The following LCORL variants were observed in gnomAD, a reference collection of about 807,000 sequenced individuals.
LCORL encodes ligand dependent nuclear receptor corepressor like.
LCORL carries 41 observed loss-of-function variants against 141.8 expected under a neutral mutation model. That is an observed-to-expected ratio of 0.29 (90% CI 0.23 to 0.38). The LOEUF (loss-of-function observed/expected upper bound fraction) is 0.38. Among genes scored for constraint, LCORL ranks in the 10% least tolerant of loss-of-function variants. The pLI is 1.00. For missense variants in LCORL, 1,759 were observed against 2,035.0 expected, an observed-to-expected ratio of 0.86 and a Z score of 2.61; for synonymous variants, 618 against 694.1, an observed-to-expected ratio of 0.89 and a Z score of 1.72.
chr4:17,876,758 A>T, exon 7 of LCORL: 1 of 1,230,752 alleles, frequency 8.1e-7, no homozygotes. Flanking sequence ...CATTTTGCAA[A>T]AATTGTTTTC....
intron 4 of LCORL, chr4:17,912,037 G>C: frequency 1.5e-6 from 1 of 665,288 alleles, no homozygotes; most frequent in South Asian, 1.4e-5. Flanking sequence ...CAAAATCTGG[G>C]GGCACCTGGA....
At chr4:17,899,784 A>C (rs1292381415) in intron 5 of LCORL, among the ~76,000 whole-genome samples, 1 of 152,212 alleles carries the variant, frequency 6.6e-6, no homozygotes, top group Non-Finnish European at 1.5e-5. Context: ...AGGGTTGGTG[A>C]TCAACTTTAT....
intron 1 of LCORL, among the ~76,000 whole-genome samples, chr4:18,005,281 C>T (rs1722616514): frequency 6.6e-6 from 1 of 152,178 alleles, no homozygotes; most frequent in Non-Finnish European, 1.5e-5. Flanking sequence ...ATCCAGGTCA[C>T]ACTGGATGGG....
At chr4:17,988,724 C>T (rs1048899989) in intron 1 of LCORL, among the ~76,000 whole-genome samples, 7 of 152,288 alleles carry the variant, frequency 4.6e-5, no homozygotes, top group African/African-American at 1.2e-4. Context: ...TGGCAGCTCA[C>T]GCCTGTAATC....
chr4:17,856,563 C>G (rs1383494257), intron 7 of LCORL, among the ~76,000 whole-genome samples: 1 of 152,090 alleles, frequency 6.6e-6, no homozygotes, highest in Non-Finnish European at 1.5e-5. Context: ...TGTGGTAGCC[C>G]AAGGAGACTA....
chr4:17,911,737 C>A (rs756299847), intron 4 of LCORL: 26 of 473,876 alleles, frequency 5.5e-5, no homozygotes, highest in Non-Finnish European at 1.0e-4. Flanking sequence ...CGTCCAAGCG[C>A]CCAGCTATGG....
intron 7 of LCORL, among the ~76,000 whole-genome samples, chr4:17,863,488 A>G (rs1356806386): frequency 6.6e-6 from 1 of 152,218 alleles, no homozygotes; most frequent in Admixed American, 6.5e-5. Context: ...AAAAGCCAAA[A>G]AAATAACAGA....
chr4:17,928,039 C>T (rs1735434958), intron 4 of LCORL, among the ~76,000 whole-genome samples: 1 of 152,142 alleles, frequency 6.6e-6, no homozygotes, highest in South Asian at 2.1e-4. Flanking sequence ...TCTAGTAACA[C>T]ATTAAAAAGA....
chr4:17,847,867 A>G (rs1468321448), intron 7 of LCORL, among the ~76,000 whole-genome samples: 1 of 152,212 alleles, frequency 6.6e-6, no homozygotes, highest in Non-Finnish European at 1.5e-5. Context: ...GCAAGCTATA[A>G]AAACACAATT....
rs1374074246 is a variant in LCORL at position 18,021,704 on chromosome 4, G to T, written c.48C>A (p.Ala16=). 7 of 1,525,134 alleles carry T rather than the reference G, an allele frequency of 4.6e-6. No homozygotes were observed. Among genetic ancestry groups the T allele is most frequent in the Admixed American group, 2.2e-5 (1 of 46,272 alleles). 94.5% of individuals were successfully genotyped at this position (1,525,134 alleles called of 1,614,324 possible). ...GGCACTGAGCGGCGGCGGCGGCGGC[G>T]GCAGCAGCGGCGGCGGCAGCGGCCA... Residue 16 remains alanine (A), a synonymous_variant, in exon 1 of 8, where the codon GCC becomes GCA. Coordinates refer to ENST00000635767, the Ensembl canonical transcript of LCORL. The surrounding 1 kb of genome is among the most constrained non-coding windows in gnomAD (Gnocchi z 5.5).
intron 1 of LCORL, among the ~76,000 whole-genome samples, chr4:18,003,908 G>A (rs980377906): frequency 1.3e-5 from 2 of 152,162 alleles, no homozygotes; most frequent in African/African-American, 2.4e-5. Flanking sequence ...CAGAATAAGT[G>A]ATCAAACCTG....
intron 5 of LCORL, among the ~76,000 whole-genome samples, chr4:17,898,542 C>T (rs890842925): frequency 1.3e-5 from 2 of 152,000 alleles, no homozygotes; most frequent in Non-Finnish European, 2.9e-5. Flanking sequence ...GGCTTATCTT[C>T]CCTGCTTTTC....
At chr4:17,952,197 G>A (rs1711518095) in intron 4 of LCORL, among the ~76,000 whole-genome samples, 1 of 152,024 alleles carries the variant, frequency 6.6e-6, no homozygotes, top group African/African-American at 2.4e-5. Context: ...AGACAGCACA[G>A]GGAAGAAGCA....
intron 4 of LCORL, among the ~76,000 whole-genome samples, chr4:17,961,307 C>A (rs1713740937): frequency 6.6e-6 from 1 of 151,962 alleles, no homozygotes; most frequent in Non-Finnish European, 1.5e-5. Flanking sequence ...AATATAAAAA[C>A]TACTACTGCT....
At chr4:17,843,595 T>TATTA (rs1331965602) in exon 8 of LCORL, 1 of 589,822 alleles carries the variant, frequency 1.7e-6, no homozygotes, top group South Asian at 2.7e-5. Context: ...CAGCATCAGT[T>TATTA]ATTATAGTCC....
chr4:17,938,542 G>T (rs775284661), intron 4 of LCORL, among the ~76,000 whole-genome samples: 2 of 150,280 alleles, frequency 1.3e-5, no homozygotes, highest in Non-Finnish European at 3.0e-5. Context: ...TCAGCCTCCC[G>T]AGTAGCTGAG....
At chr4:17,966,312 A>G (rs1714860027) in intron 2 of LCORL, among the ~76,000 whole-genome samples, 1 of 152,140 alleles carries the variant, frequency 6.6e-6, no homozygotes, top group South Asian at 2.1e-4. Flanking sequence ...AATACTAGAA[A>G]TGAAAGACTG....
chr4:17,942,776 G>A (rs374406930), intron 4 of LCORL, among the ~76,000 whole-genome samples: 1 of 152,066 alleles, frequency 6.6e-6, no homozygotes, highest in Non-Finnish European at 1.5e-5. Flanking sequence ...TCTTGGAGAC[G>A]TCCCCGACCC....
At chr4:18,000,723 T>C (rs1174730389) in intron 1 of LCORL, among the ~76,000 whole-genome samples, 1 of 152,204 alleles carries the variant, frequency 6.6e-6, no homozygotes, top group Non-Finnish European at 1.5e-5. Context: ...AATAGTCTAC[T>C]GTGTTAAAAA....
Sources: gnomAD v4.1 joint callset for allele counts (sites outside exome capture counted in the v4.1 genomes callset) on GRCh38, gnomAD v4.1.1 for gene constraint, Gnocchi (gnomAD v3.1) non-coding constraint, MANE v1.5 for transcripts, NCBI Gene and HGNC (gene_info 2026-07-23, HGNC 2026-07-21) for gene names.